Variants in WWC2 observed in about 807,000 individuals in gnomAD.
The protein encoded by WWC2 is protein WWC2.
WWC2 carries 101 observed loss-of-function variants against 138.5 expected under a neutral mutation model. The ratio of observed to expected loss-of-function variants is 0.73; its 90% confidence interval spans 0.62 to 0.86. The LOEUF (loss-of-function observed/expected upper bound fraction) is 0.86, where lower values mean the gene tolerates loss of function less well. Ranked by LOEUF, WWC2 falls within the 40% of genes least tolerant of loss-of-function variation. WWC2 has a pLI of 0.00. For synonymous variants in WWC2, 558 were observed against 538.4 expected, an observed-to-expected ratio of 1.04 and a Z score of -0.50; for missense variants, 1,420 against 1,419.4, an observed-to-expected ratio of 1.00 and a Z score of -0.01.
intron 1 of WWC2, among the ~76,000 whole-genome samples, chr4:183,133,219 A>G (rs1222592166): frequency 2.4e-5 from 3 of 127,426 alleles, no homozygotes; most frequent in African/African-American, 9.3e-5. Context: ...CAGTGATGTG[A>G]TCCTGGCTTA....
intron 14 of WWC2, among the ~76,000 whole-genome samples, chr4:183,266,989 A>G (rs1210655618): frequency 6.6e-6 from 1 of 152,150 alleles, no homozygotes; most frequent in Non-Finnish European, 1.5e-5. Context: ...AGAACTAGAT[A>G]GAAATTATGT....
chr4:183,245,554 T>G lies in WWC2; in HGVS notation c.732+9T>G, dbSNP rs1343239563. On this transcript the variant is annotated intron_variant, in intron 6 of 22. Coordinates refer to ENST00000403733, the MANE Select transcript of WWC2 (RefSeq NM_024949.6). ...AACAAGATCTGATGCAGGTACATTA[T>G]AAAACATTTTGTTAAGCCAAACTTC... 2 of 1,571,318 alleles carry G rather than the reference T, an allele frequency of 1.3e-6. No individual in the cohort carries two copies. The highest frequency in any genetic ancestry group is 2.8e-5 in the African/African-American group (2 of 71,946).
Position 183,257,567 on chromosome 4 carries a change from A to G in WWC2, c.1197-2072A>G, listed in dbSNP as rs1737188952. Among the ~76,000 whole-genome samples the G allele has an allele frequency of 2.6e-5, 4 of 152,316 alleles. No individual in the cohort carries two copies. The East Asian group carries it at 5.8e-4, about 22-fold the overall frequency. On this transcript the variant is annotated intron_variant, in intron 9 of 22. Transcript: ENST00000403733. ...ACAGGCAGGAGTTGGAGAAGAACCT[A>G]GAGAGACAGGTGTGCACCCTTTTGA...
At chr4:183,112,283 CT>C (rs1242528376) in intron 1 of WWC2, among the ~76,000 whole-genome samples, 1 of 152,186 alleles carries the variant, frequency 6.6e-6, no homozygotes, top group Admixed American at 6.5e-5. Flanking sequence ...GTGTAAGGAG[CT>C]TGTGTGTGTC....
intron 1 of WWC2, among the ~76,000 whole-genome samples, chr4:183,170,777 A>C (rs1454844383): frequency 6.6e-6 from 1 of 152,004 alleles, no homozygotes; most frequent in Non-Finnish European, 1.5e-5. Flanking sequence ...AGCTTACTAT[A>C]ACCTTGAACT....
At chr4:183,231,959 A>C (rs1239505250) in intron 4 of WWC2, among the ~76,000 whole-genome samples, 1 of 152,208 alleles carries the variant, frequency 6.6e-6, no homozygotes, top group Admixed American at 6.5e-5. Context: ...ACACAGGAGA[A>C]GGTGTGGGAT....
chr4:183,238,465 CGTT>C (rs374028544), intron 4 of WWC2, among the ~76,000 whole-genome samples: 2,258 of 152,260 alleles, frequency 0.015, 34 homozygotes, highest in Non-Finnish European at 0.021. Context: ...CCTTGATTCT[CGTT>C]GTTCTTAGAG....
intron 14 of WWC2, among the ~76,000 whole-genome samples, chr4:183,266,650 G>A (rs2111370500): frequency 6.6e-6 from 1 of 152,348 alleles, no homozygotes; most frequent in African/African-American, 2.4e-5. Context: ...GAAGAATCCA[G>A]ACTTCGACTT....
At position 183,320,614 on chromosome 4, in the gene WWC2, TCAA is replaced by T. The variant is rs370392024; in HGVS notation, c.*4887_*4889del. 240 of 212,622 alleles carry T rather than the reference TCAA, an allele frequency of 1.1e-3. 2 individuals carry two copies. Among genetic ancestry groups the T allele is most frequent in the African/African-American group, 5.0e-3 (216 of 42,886 alleles). The allele number at this position is 212,622 out of a possible 1,614,324, so 13.2% of individuals were successfully genotyped here. On this transcript the variant is annotated 3_prime_UTR_variant, in exon 23 of 23. Transcript: ENST00000403733. Reference sequence around the variant, plus strand: ...AAAATGTTTAACTGATGGTTTTGGTTCAACTCCTCCTGCTTTGTGTTTCACTAA... The same window carrying T: ...AAAATGTTTAACTGATGGTTTTGGTTCTCCTCCTGCTTTGTGTTTCACTAA...
chr4:183,247,694 CTATA>C (rs1248271103), intron 6 of WWC2, among the ~76,000 whole-genome samples: 1 of 132,714 alleles, frequency 7.5e-6, no homozygotes, highest in Non-Finnish European at 1.6e-5. Context: ...ATTCTATATA[CTATA>C]TATACTATAT....
chr4:183,311,613 T>G lies in WWC2; in HGVS notation c.3385-728T>G, dbSNP rs1177960673. ...TTTTTTTTTTGAGACGGAGTCTCACTCTGTCGCCCAGGCTGGTGTTCAGTG... is the reference window on the plus strand; with the variant it reads ...TTTTTTTTTTGAGACGGAGTCTCACGCTGTCGCCCAGGCTGGTGTTCAGTG... On this transcript the variant is annotated intron_variant, in intron 21 of 22. Coordinates refer to ENST00000403733, the MANE Select transcript of WWC2 (RefSeq NM_024949.6). Among the ~76,000 whole-genome samples, 7 of 117,910 alleles carry G rather than the reference T, an allele frequency of 5.9e-5. No homozygotes were observed. The South Asian group carries it at 2.2e-3, about 37-fold the overall frequency. The allele number at this position is 117,910 out of a possible 152,430, so 77.4% of individuals were successfully genotyped here. A position where few individuals can be genotyped will look rare whatever the true frequency, so the allele number is the denominator to read the frequency against.
intron 16 of WWC2, among the ~76,000 whole-genome samples, chr4:183,279,488 C>T (rs1221101910): frequency 1.3e-5 from 2 of 152,170 alleles, no homozygotes; most frequent in Non-Finnish European, 2.9e-5. Context: ...ATGCTGGCCT[C>T]ATCAAATGAG....
At chr4:183,250,621 T>C (rs1336821702) in intron 8 of WWC2, among the ~76,000 whole-genome samples, 1 of 152,174 alleles carries the variant, frequency 6.6e-6, no homozygotes, top group Non-Finnish European at 1.5e-5. Flanking sequence ...AAAAAGAGAT[T>C]TCACTATCCG....
intron 16 of WWC2, among the ~76,000 whole-genome samples, chr4:183,274,535 A>C (rs1168775138): frequency 6.6e-6 from 1 of 152,176 alleles, no homozygotes; most frequent in Non-Finnish European, 1.5e-5. Flanking sequence ...ATGAAAACCT[A>C]ATCATCACAC....
intron 20 of WWC2, among the ~76,000 whole-genome samples, chr4:183,287,435 A>C (rs1177660217): frequency 6.6e-6 from 1 of 152,082 alleles, no homozygotes; most frequent in African/African-American, 2.4e-5. Context: ...GGATAGTTTC[A>C]CTCTTCAGAT....
intron 1 of WWC2, among the ~76,000 whole-genome samples, chr4:183,175,925 A>G (rs868144675): frequency 6.6e-6 from 1 of 152,242 alleles, no homozygotes; most frequent in Non-Finnish European, 1.5e-5. Context: ...ATGAAGAACT[A>G]TATTTAGAGT....
chr4:183,118,917 CT>C (rs1219874577), intron 1 of WWC2, among the ~76,000 whole-genome samples: 256 of 145,534 alleles, frequency 1.8e-3, no homozygotes, highest in Middle Eastern at 7.1e-3. Context: ...AATATCTCAA[CT>C]TTTTTTTTTT....
At chr4:183,280,706 C>A in intron 16 of WWC2, 70 bp from the exon 17 acceptor site, 1 of 1,478,126 alleles carries the variant, frequency 6.8e-7, no homozygotes, top group Non-Finnish European at 9.1e-7. Flanking sequence ...TGTAAATTCC[C>A]ATCTGCTGAG....
At chr4:183,188,196 A>T (rs895966421) in intron 1 of WWC2, among the ~76,000 whole-genome samples, 1 of 152,126 alleles carries the variant, frequency 6.6e-6, no homozygotes, top group Non-Finnish European at 1.5e-5. Flanking sequence ...GTCTTTAGGT[A>T]AAAATGATCT....
Sources: allele counts gnomAD v4.1 joint callset (sites outside exome capture counted in the v4.1 genomes callset), GRCh38; gene constraint gnomAD v4.1.1; transcripts MANE v1.5; gene names NCBI Gene and HGNC (gene_info 2026-07-23, HGNC 2026-07-21).